The following CHCHD6 variants were observed in gnomAD, a reference collection of about 807,000 sequenced individuals.
CHCHD6 encodes the protein MICOS complex subunit MIC25.
Under a neutral mutation model 32.3 loss-of-function variants are expected in CHCHD6, and 28 were observed. The ratio of observed to expected loss-of-function variants is 0.87; its 90% confidence interval spans 0.64 to 1.19. The LOEUF (loss-of-function observed/expected upper bound fraction) is 1.19, where lower values mean the gene tolerates loss of function less well. Among genes scored for constraint, CHCHD6 ranks in the 50% most tolerant of loss-of-function variants. CHCHD6 has a pLI of 0.00. For missense variants in CHCHD6, 333 were observed against 307.0 expected (o/e 1.08, Z -0.63); for synonymous variants, 122 against 117.5 (o/e 1.04, Z -0.25).
chr3:126,722,455 G>C (rs1935352029), intron 1 of CHCHD6, among the ~76,000 whole-genome samples: 1 of 152,190 alleles, frequency 6.6e-6, no homozygotes, highest in Non-Finnish European at 1.5e-5. Context: ...GAGCCACTAT[G>C]GCTGACCCTT....
At chr3:126,790,027 C>G (rs145383502) in intron 4 of CHCHD6, among the ~76,000 whole-genome samples, 1,559 of 152,112 alleles carry the variant, frequency 0.01, 28 homozygotes, top group African/African-American at 0.035. Flanking sequence ...CTGGTGGTGA[C>G]AAAATCTCTC....
chr3:126,742,676 G>A (rs1325920207), intron 4 of CHCHD6, among the ~76,000 whole-genome samples: 1 of 152,162 alleles, frequency 6.6e-6, no homozygotes, highest in East Asian at 1.9e-4. Flanking sequence ...ACCTGAGAGA[G>A]CACACTCAGC....
At chr3:126,785,519 G>A (rs1401633546) in intron 4 of CHCHD6, among the ~76,000 whole-genome samples, 1 of 152,166 alleles carries the variant, frequency 6.6e-6, no homozygotes, top group Non-Finnish European at 1.5e-5. Flanking sequence ...ATCTTTGGGA[G>A]CTGCTTGCCA....
At chr3:126,734,156 C>A (rs988936277) in intron 4 of CHCHD6, among the ~76,000 whole-genome samples, 4 of 152,210 alleles carry the variant, frequency 2.6e-5, no homozygotes, top group Non-Finnish European at 4.4e-5. Context: ...GTACCAGGTG[C>A]CCATGGCTAA....
chr3:126,864,467 T>A (rs1165750808), intron 5 of CHCHD6, among the ~76,000 whole-genome samples: 1 of 138,662 alleles, frequency 7.2e-6, no homozygotes. Context: ...CACCACCTCC[T>A]CCTCCTCCAT....
At chr3:126,781,696 C>T (rs1013426053) in intron 4 of CHCHD6, among the ~76,000 whole-genome samples, 1 of 152,222 alleles carries the variant, frequency 6.6e-6, no homozygotes, top group Non-Finnish European at 1.5e-5. Flanking sequence ...GTTCTGCGCC[C>T]ATGCTGAGAG....
At chr3:126,891,107 A>T (rs1431109868) in intron 5 of CHCHD6, among the ~76,000 whole-genome samples, 1 of 152,224 alleles carries the variant, frequency 6.6e-6, no homozygotes. Flanking sequence ...CTTCCCCAGG[A>T]CATACCCTAG....
At chr3:126,872,642 C>A (rs1350173422) in intron 5 of CHCHD6, among the ~76,000 whole-genome samples, 1 of 152,204 alleles carries the variant, frequency 6.6e-6, no homozygotes, top group Non-Finnish European at 1.5e-5. Flanking sequence ...AGGCATAGAA[C>A]CTTCCTTGCC....
At chr3:126,909,837 A>G (rs1200403502) in intron 5 of CHCHD6, among the ~76,000 whole-genome samples, 3 of 152,216 alleles carry the variant, frequency 2.0e-5, no homozygotes, top group Non-Finnish European at 4.4e-5. Flanking sequence ...AGTGTCTCTC[A>G]GTGGGCAGCA....
intron 6 of CHCHD6, among the ~76,000 whole-genome samples, chr3:126,951,782 C>T (rs764421751): frequency 3.9e-5 from 6 of 152,116 alleles, no homozygotes; most frequent in African/African-American, 1.2e-4. Flanking sequence ...ACCAGCTCTG[C>T]GACAATGGCA....
At chr3:126,864,552 C>T (rs902336900) in intron 5 of CHCHD6, among the ~76,000 whole-genome samples, 11 of 150,672 alleles carry the variant, frequency 7.3e-5, no homozygotes, top group Non-Finnish European at 1.2e-4. Flanking sequence ...TCCACCTCCT[C>T]CTCCTCCTCC....
chr3:126,809,832 T>C (rs180865437), intron 4 of CHCHD6, among the ~76,000 whole-genome samples: 1 of 152,344 alleles, frequency 6.6e-6, no homozygotes, highest in Admixed American at 6.5e-5. Context: ...ATAAATTTGA[T>C]GTTTGTTCTT....
At chr3:126,769,671 T>A (rs1421376806) in intron 4 of CHCHD6, among the ~76,000 whole-genome samples, 5 of 151,888 alleles carry the variant, frequency 3.3e-5, no homozygotes, top group Non-Finnish European at 7.4e-5. Flanking sequence ...CCTGGCTAAT[T>A]TTTTTTGTAC....
At chr3:126,886,834 G>C (rs1414491500) in intron 5 of CHCHD6, among the ~76,000 whole-genome samples, 7 of 152,114 alleles carry the variant, frequency 4.6e-5, no homozygotes, top group Admixed American at 4.6e-4. Context: ...CAGTGCCCCT[G>C]TCAGATGGGA....
chr3:126,912,125 G>A (rs1455014660), intron 5 of CHCHD6, among the ~76,000 whole-genome samples: 1 of 152,148 alleles, frequency 6.6e-6, no homozygotes, highest in East Asian at 1.9e-4. Context: ...TGTTGCTGTT[G>A]AGAGAAGTGA....
chr3:126,876,983 G>A (rs1576542736), intron 5 of CHCHD6, among the ~76,000 whole-genome samples: 1 of 152,106 alleles, frequency 6.6e-6, no homozygotes, highest in East Asian at 1.9e-4. Flanking sequence ...TTGGGTAGGA[G>A]GAGCATCTAG....
intron 1 of CHCHD6, among the ~76,000 whole-genome samples, chr3:126,724,373 TTG>T (rs1366354544): frequency 6.6e-6 from 1 of 152,076 alleles, no homozygotes; most frequent in Non-Finnish European, 1.5e-5. Context: ...TATATAAGAG[TTG>T]TGTTTACACT....
chr3:126,805,210 G>A (rs1002545661), intron 4 of CHCHD6, among the ~76,000 whole-genome samples: 1 of 152,180 alleles, frequency 6.6e-6, no homozygotes, highest in Non-Finnish European at 1.5e-5. Flanking sequence ...GGGCAATTAG[G>A]CAAGAGAAGG....
chr3:126,767,394 T>A (rs1937419095), intron 4 of CHCHD6: 3 of 754,568 alleles, frequency 4.0e-6, no homozygotes, highest in Non-Finnish European at 7.4e-6. Context: ...AGGCCCTCGA[T>A]GAGTCTGGGG....
Sources: gnomAD v4.1 joint callset for allele counts (sites outside exome capture counted in the v4.1 genomes callset) on GRCh38, gnomAD v4.1.1 for gene constraint, MANE v1.5 for transcripts, NCBI Gene and HGNC (gene_info 2026-07-23, HGNC 2026-07-21) for gene names.